Variants in NOL4 observed in about 807,000 individuals in gnomAD.
The protein encoded by NOL4 is nucleolar protein 4, also known as cancer/testis antigen 125.
Under a neutral mutation model 75.9 loss-of-function variants are expected in NOL4, and 17 were observed. That is an observed-to-expected ratio of 0.22 (90% CI 0.15 to 0.34). The LOEUF (loss-of-function observed/expected upper bound fraction) is 0.34. Among genes scored for constraint, NOL4 ranks in the 10% least tolerant of loss-of-function variants. The pLI, the probability that NOL4 is intolerant of heterozygous loss-of-function variation, is 1.00. For synonymous variants in NOL4, 292 were observed against 289.9 expected, an observed-to-expected ratio of 1.01 and a Z score of -0.07; for missense variants, 614 against 793.5, an observed-to-expected ratio of 0.77 and a Z score of 2.72.
At chr18:34,181,536 A>C (rs2034033745) in intron 1 of NOL4, among the ~76,000 whole-genome samples, 4 of 151,596 alleles carry the variant, frequency 2.6e-5, no homozygotes. Flanking sequence ...TATGACATAT[A>C]CAGTATAAGC....
intron 9 of NOL4, among the ~76,000 whole-genome samples, chr18:33,931,781 A>G (rs899970837): frequency 2.0e-5 from 3 of 152,044 alleles, no homozygotes; most frequent in Non-Finnish European, 4.4e-5. Context: ...TTTTGCAGAT[A>G]TCAGTTAAAA....
intron 1 of NOL4, among the ~76,000 whole-genome samples, chr18:34,140,540 T>C (rs1389303026): frequency 1.3e-5 from 2 of 152,138 alleles, no homozygotes; most frequent in Non-Finnish European, 2.9e-5. Context: ...TGGTAGATCT[T>C]CCTCCATCCC....
chr18:34,023,965 T>C (rs2075185794), intron 5 of NOL4, among the ~76,000 whole-genome samples: 1 of 151,702 alleles, frequency 6.6e-6, no homozygotes, highest in Non-Finnish European at 1.5e-5. Context: ...TGTAGAAAAG[T>C]GGTTTCATCA....
At chr18:33,997,265 T>C (rs187120951) in intron 6 of NOL4, among the ~76,000 whole-genome samples, 6 of 152,000 alleles carry the variant, frequency 3.9e-5, no homozygotes, top group Non-Finnish European at 1.5e-5. Context: ...TGGTGAAAGA[T>C]AGGTTTCTGG....
intron 1 of NOL4, among the ~76,000 whole-genome samples, chr18:34,162,336 G>A (rs921733664): frequency 6.6e-5 from 10 of 152,044 alleles, no homozygotes; most frequent in Admixed American, 1.3e-4. Flanking sequence ...TTGATAGACC[G>A]CTAGCAAGAC....
intron 5 of NOL4, among the ~76,000 whole-genome samples, chr18:34,046,578 C>T (rs986643888): frequency 1.7e-5 from 2 of 120,702 alleles, no homozygotes; most frequent in African/African-American, 6.1e-5. Context: ...AAGTCCCTGA[C>T]CATTTTTAAA....
rs972496701 is a variant in NOL4, at chr18:33,851,291, A to G, written c.*1551T>C. 6.6e-6 allele frequency: 1 copy of G among 152,234 alleles called. No homozygotes were observed. Among genetic ancestry groups the G allele is most frequent in the Non-Finnish European group, 1.5e-5 (1 of 67,828 alleles). The allele number at this position is 152,234 out of a possible 1,614,324, so 9.4% of individuals were successfully genotyped here. ...TCACATTATATTCACCAACAGTATCACAAAAGTTTTTTTTTTGTTTTTTGT... is the reference window on the plus strand; with the variant it reads ...TCACATTATATTCACCAACAGTATCGCAAAAGTTTTTTTTTTGTTTTTTGT... On this transcript the variant is annotated 3_prime_UTR_variant, in exon 11 of 11. Transcript: ENST00000261592.
chr18:34,179,408 A>C (rs2033842463), intron 1 of NOL4, among the ~76,000 whole-genome samples: 1 of 151,524 alleles, frequency 6.6e-6, no homozygotes, highest in African/African-American at 2.4e-5. Flanking sequence ...AATAATCAAT[A>C]AGACCGTAAG....
intron 4 of NOL4, among the ~76,000 whole-genome samples, chr18:34,100,617 G>A (rs1383412679): frequency 1.3e-5 from 2 of 152,070 alleles, no homozygotes; most frequent in Non-Finnish European, 2.9e-5. Flanking sequence ...AATACCCTGG[G>A]TGCTCTTTCT....
intron 1 of NOL4, among the ~76,000 whole-genome samples, chr18:34,179,723 T>A (rs944730334): frequency 6.6e-6 from 1 of 151,510 alleles, no homozygotes; most frequent in Non-Finnish European, 1.5e-5. Context: ...ATTGTGAAGG[T>A]ATTAGGATGG....
intron 6 of NOL4, among the ~76,000 whole-genome samples, chr18:33,964,901 G>T (rs2070454421): frequency 6.6e-6 from 1 of 152,058 alleles, no homozygotes; most frequent in South Asian, 2.1e-4. Context: ...TACTGATAGA[G>T]AAATAAGATA....
At chr18:34,011,971 A>C (rs2074398042) in intron 6 of NOL4, among the ~76,000 whole-genome samples, 1 of 151,934 alleles carries the variant, frequency 6.6e-6, no homozygotes, top group East Asian at 1.9e-4. Context: ...GCACTTTTCA[A>C]GGCATAAATT....
rs565811986 is a variant in NOL4, at chr18:33,852,817, T to C, written c.*25A>G. ...TTAGTGGAAACTGCAAATTTAGACC[T>C]CAGTGAATATGGTGGTCGTCTGTCT... On this transcript the variant is annotated 3_prime_UTR_variant, in exon 11 of 11. Coordinates refer to ENST00000261592, the MANE Select transcript of NOL4 (RefSeq NM_003787.5). The C allele has an allele frequency of 1.3e-6, 2 of 1,593,256 alleles. No individual in the cohort carries two copies. The highest frequency in any genetic ancestry group is 1.3e-5 in the African/African-American group (1 of 74,506).
chr18:34,021,273 C>T (rs1160067024), intron 5 of NOL4, among the ~76,000 whole-genome samples: 5 of 152,150 alleles, frequency 3.3e-5, no homozygotes, highest in Non-Finnish European at 5.9e-5. Context: ...TCATAGAAGG[C>T]TTCCTAAAGA....
intron 9 of NOL4, among the ~76,000 whole-genome samples, chr18:33,894,082 T>G (rs570931262): frequency 6.6e-6 from 1 of 152,254 alleles, no homozygotes; most frequent in African/African-American, 2.4e-5. Context: ...GGGAGTGCAA[T>G]TTGTTTCATA....
intron 10 of NOL4, among the ~76,000 whole-genome samples, chr18:33,854,828 G>C (rs919541550): frequency 6.6e-6 from 1 of 151,824 alleles, no homozygotes; most frequent in Non-Finnish European, 1.5e-5. Flanking sequence ...TTGAGAAAGG[G>C]TTGAGGCTAG....
At chr18:33,956,361 T>G (rs1272403993) in intron 8 of NOL4, among the ~76,000 whole-genome samples, 1 of 152,196 alleles carries the variant, frequency 6.6e-6, no homozygotes, top group Non-Finnish European at 1.5e-5. Flanking sequence ...TGGCCTTTTA[T>G]ATCCAACTCT....
intron 5 of NOL4, among the ~76,000 whole-genome samples, chr18:34,040,161 G>A (rs1180704185): frequency 2.6e-5 from 4 of 151,880 alleles, no homozygotes; most frequent in Non-Finnish European, 4.4e-5. Flanking sequence ...TAATAAAAAC[G>A]ATCGATTGAT....
intron 5 of NOL4, among the ~76,000 whole-genome samples, chr18:34,039,619 C>A (rs1301452766): frequency 6.6e-6 from 1 of 151,978 alleles, no homozygotes; most frequent in Non-Finnish European, 1.5e-5. Context: ...CAATCCCATT[C>A]CACTTTTCTT....
Sources: gnomAD v4.1 joint callset for allele counts (sites outside exome capture counted in the v4.1 genomes callset) on GRCh38, gnomAD v4.1.1 for gene constraint, MANE v1.5 for transcripts, NCBI Gene and HGNC (gene_info 2026-07-23, HGNC 2026-07-21) for gene names.